The following DYNC2H1 variants were observed in gnomAD, a reference collection of about 807,000 sequenced individuals.
DYNC2H1 encodes the protein dynein cytoplasmic 2 heavy chain 1.
Under a neutral mutation model 570.0 loss-of-function variants are expected in DYNC2H1, and 410 were observed. That is an observed-to-expected ratio of 0.72 (90% CI 0.66 to 0.78). The LOEUF is 0.78. Ranked by LOEUF, DYNC2H1 falls within the 30% of genes least tolerant of loss-of-function variation. The pLI, the probability that DYNC2H1 is intolerant of heterozygous loss-of-function variation, is 0.00. For synonymous variants in DYNC2H1, 1,688 were observed against 1,677.6 expected, an observed-to-expected ratio of 1.01 and a Z score of -0.15; for missense variants, 4,865 against 5,046.4, an observed-to-expected ratio of 0.96 and a Z score of 1.09.
chr11:103,245,104 A>G lies in DYNC2H1; in HGVS notation c.9919-147A>G. The G allele has an allele frequency of 4.9e-6, 3 of 609,940 alleles. No homozygotes were observed. In the East Asian group the frequency reaches 1.0e-4, roughly 21 times the overall value. 37.8% of individuals were successfully genotyped at this position (609,940 alleles called of 1,614,324 possible). The stretch of plus-strand genomic sequence containing the variant: ...ACATAAGCAGAGTAGGGTTCTTATT[A>G]ATACTTGGGTGAGTAATTTATTACC... On this transcript the variant is annotated intron_variant, in intron 64 of 88. Transcript: ENST00000375735. This position sits in a 1 kb window ranked among gnomAD's most constrained non-coding sequence, Gnocchi z 4.5.
intron 63 of DYNC2H1, among the ~76,000 whole-genome samples, chr11:103,240,925 T>C (rs1303207048): frequency 1.3e-5 from 2 of 152,138 alleles, no homozygotes; most frequent in East Asian, 3.8e-4. Context: ...ATGCATCACC[T>C]TTTCCCATAT....
intron 84 of DYNC2H1, chr11:103,403,311 TA>T (rs1414560530): frequency 6.6e-6 from 1 of 152,076 alleles, no homozygotes; most frequent in East Asian, 1.9e-4. Context: ...ATTTTTTGTG[TA>T]GGGGGTGTGT....
chr11:103,143,387 A>G lies in DYNC2H1; in HGVS notation c.2694A>G (p.Arg898=). The stretch of plus-strand genomic sequence containing the variant: ...AAATAAAGGGGAAAGAAGTAGAACG[A>G]CTTCCAAGGTATTGGAGGTTAATGT... ...ALKIKGKEVE[R]LPSAVKVDCL... Residue 898 remains arginine, a synonymous_variant, in exon 18 of 89, where the codon CGA becomes CGG. Coordinates refer to ENST00000375735, the MANE Select transcript of DYNC2H1 (RefSeq NM_001377.3). 6.2e-7 allele frequency: 1 copy of G among 1,610,150 alleles called. No individual in the cohort carries two copies. Among genetic ancestry groups the G allele is most frequent in the South Asian group, 1.1e-5 (1 of 90,084 alleles).
chr11:103,268,497 A>G lies in DYNC2H1; in HGVS notation c.10695+8520A>G, dbSNP rs1309710050. ...TCTAGGTTGTTAGATTTGTATGAGT[A>G]GTTTTTTTAAATGTAGTTTTAATCT... is the stretch of plus-strand genomic sequence containing the variant. On this transcript the variant is annotated intron_variant, in intron 70 of 88. Transcript: ENST00000375735. This position sits in a 1 kb window ranked among gnomAD's most constrained non-coding sequence, Gnocchi z 4.6. 2.6e-5 allele frequency among the ~76,000 whole-genome samples: 4 copies of G among 151,956 alleles called. No individual in the cohort carries two copies. The highest frequency in any genetic ancestry group is 5.9e-5 in the Non-Finnish European group (4 of 67,866).
chr11:103,318,500 A>G (rs554737402), intron 80 of DYNC2H1, among the ~76,000 whole-genome samples: 2 of 152,266 alleles, frequency 1.3e-5, no homozygotes, highest in South Asian at 2.1e-4. Flanking sequence ...TCTCAATGCT[A>G]TACAGTATAC....
chr11:103,122,935 G>A lies in DYNC2H1; in HGVS notation c.1596G>A (p.Gln532=), dbSNP rs1858794235. The A allele has an allele frequency of 6.2e-7, 1 of 1,609,344 alleles. No individual in the cohort carries two copies. The highest frequency in any genetic ancestry group is 1.7e-5 in the Admixed American group (1 of 59,614). ...DLLDQLKLYE[Q]EQFDDWSRDI... is the part of the protein sequence containing the mutation. ...TAGACCAGCTTAAACTATATGAACA[G>A]GAACAATTTGATGATTGGTCCAGGG... The change falls in exon 11 of 89, where the codon CAG becomes CAA. Residue 532 remains glutamine (Q), a synonymous_variant. Coordinates refer to ENST00000375735, the MANE Select transcript of DYNC2H1 (RefSeq NM_001377.3).
intron 17 of DYNC2H1, among the ~76,000 whole-genome samples, chr11:103,137,287 A>G (rs1213259603): frequency 6.9e-6 from 1 of 145,496 alleles, no homozygotes; most frequent in African/African-American, 2.5e-5. Context: ...TGTTTTAGAC[A>G]TGAAGTCGTT....
intron 59 of DYNC2H1, among the ~76,000 whole-genome samples, chr11:103,224,246 G>A: frequency 1.8e-5 from 1 of 55,504 alleles, no homozygotes; most frequent in Non-Finnish European, 3.2e-5. Context: ...AAAGGTTTAT[G>A]TTCTTTTAAA....
At chr11:103,386,927 T>C in intron 83 of DYNC2H1, among the ~76,000 whole-genome samples, 1 of 151,648 alleles carries the variant, frequency 6.6e-6, no homozygotes, top group Non-Finnish European at 1.5e-5. Context: ...TGGTTCCAAG[T>C]CTTTGCTATT....
At chr11:103,195,676 A>C (rs1862485339) in intron 47 of DYNC2H1, among the ~76,000 whole-genome samples, 1 of 152,192 alleles carries the variant, frequency 6.6e-6, no homozygotes, top group African/African-American at 2.4e-5. Context: ...ATCCATAAAC[A>C]ATGTTGCTGA....
At position 103,135,727 on chromosome 11, in the gene DYNC2H1, C is replaced by G. The variant is rs755883373; in HGVS notation, c.2353C>G (p.Arg785Gly). Residue 785 changes from arginine (R) to glycine (G), a missense_variant, in exon 17 of 89, where the codon CGA becomes GGA. Around this residue, in one of 5 missense-constraint regions of DYNC2H1, gnomAD observed 1,936 missense variants for 1,962.1 expected, o/e 0.99. Transcript: ENST00000375735. ...TTATTTATTTACTTTTAGACAGGGA[C>G]GATTACAATTCAGGCCCCCTTTTGA... ...INIDLTYKQG[R>G]LQFRPPFEEI... 3 of 1,608,302 alleles carry G rather than the reference C, an allele frequency of 1.9e-6. No homozygotes were observed. Among genetic ancestry groups the G allele is most frequent in the Admixed American group, 3.4e-5 (2 of 59,586 alleles).
chr11:103,402,188 T>G (rs1216175210), intron 84 of DYNC2H1: 1 of 152,138 alleles, frequency 6.6e-6, no homozygotes, highest in African/African-American at 2.4e-5. Flanking sequence ...AATACAGATG[T>G]ATTCAGGAGG....
At chr11:103,269,881 C>T (rs1463586457) in intron 70 of DYNC2H1, among the ~76,000 whole-genome samples, 1 of 151,962 alleles carries the variant, frequency 6.6e-6, no homozygotes, top group East Asian at 1.9e-4. Flanking sequence ...TCATTTTCAA[C>T]TATATAGGGT....
intron 72 of DYNC2H1, 37 bp from the exon 73 acceptor site, chr11:103,282,971 C>T (rs1866200994): frequency 1.3e-6 from 2 of 1,487,460 alleles, no homozygotes; most frequent in South Asian, 1.3e-5. Flanking sequence ...CTGAATTTTA[C>T]CAAGTATACT....
At chr11:103,134,487 T>C in intron 15 of DYNC2H1, 68 bp downstream of exon 15, 3 of 1,269,928 alleles carry the variant, frequency 2.4e-6, no homozygotes, top group Non-Finnish European at 3.2e-6. Flanking sequence ...GTACAATATA[T>C]GAATTGCCGA....
At chr11:103,302,185 G>A (rs1009077421) in intron 75 of DYNC2H1, among the ~76,000 whole-genome samples, 1 of 152,014 alleles carries the variant, frequency 6.6e-6, no homozygotes, top group Admixed American at 6.6e-5. Flanking sequence ...TTTAAATATA[G>A]TTAATGGTGG....
At chr11:103,260,968 T>A (rs1453930510) in intron 70 of DYNC2H1, among the ~76,000 whole-genome samples, 1 of 151,800 alleles carries the variant, frequency 6.6e-6, no homozygotes, top group Non-Finnish European at 1.5e-5. Flanking sequence ...GCTTAAGACA[T>A]AATGTTGCAG....
intron 87 of DYNC2H1, among the ~76,000 whole-genome samples, chr11:103,458,247 T>C (rs1944864734): frequency 6.6e-6 from 1 of 152,198 alleles, no homozygotes; most frequent in Admixed American, 6.5e-5. Flanking sequence ...TGTGTTCCAG[T>C]TGCCTACAGT....
At position 103,199,178 on chromosome 11, in the gene DYNC2H1, A is replaced by T; in HGVS notation, c.7840-50A>T. On this transcript the variant is annotated intron_variant, in intron 48 of 88. Coordinates refer to ENST00000375735, the MANE Select transcript of DYNC2H1 (RefSeq NM_001377.3). This position sits in a 1 kb window ranked among gnomAD's most constrained non-coding sequence, Gnocchi z 4.6. The stretch of plus-strand genomic sequence containing the variant: ...AACCTAGGTAAGTAACATTTTTATT[A>T]TGTAATTAGGGCTTATATTAATTAT... 8.0e-7 allele frequency: 1 copy of T among 1,253,352 alleles called. No homozygotes were observed. Among genetic ancestry groups the T allele is most frequent in the South Asian group, 2.1e-5 (1 of 47,100 alleles). The allele number at this position is 1,253,352 out of a possible 1,614,324, so 77.6% of individuals were successfully genotyped here.
Sources: gnomAD v4.1 joint callset for allele counts (sites outside exome capture counted in the v4.1 genomes callset) on GRCh38, gnomAD v4.1.1 for gene constraint, gnomAD v4.1.1 regional missense constraint, Gnocchi (gnomAD v3.1) non-coding constraint, MANE v1.5 for transcripts, NCBI Gene and HGNC (gene_info 2026-07-23, HGNC 2026-07-21) for gene names.